Variants in RARB observed in about 807,000 individuals in gnomAD.
RARB encodes HBV-activated protein.
A neutral mutation model predicts 51.9 loss-of-function variants in RARB; 17 were observed. The ratio of observed to expected loss-of-function variants is 0.33; its 90% CI spans 0.22 to 0.49. The LOEUF is 0.49. RARB is among the 20% of genes least tolerant of loss of function. The pLI, the probability that RARB is intolerant of heterozygous loss-of-function variation, is 0.99. For synonymous variants in RARB, 215 were observed against 195.4 expected, an observed-to-expected ratio of 1.10 and a Z score of -0.84; for missense variants, 369 against 550.8, an observed-to-expected ratio of 0.67 and a Z score of 3.30.
At chr3:25,272,707 C>A (rs1297276614) in intron 5 of RARB, among the ~76,000 whole-genome samples, 1 of 152,196 alleles carries the variant, frequency 6.6e-6, no homozygotes, top group Admixed American at 6.5e-5. Context: ...CTGTTCTCAA[C>A]GCCTTAAGTA....
chr3:25,080,019 C>A (rs77805204), intron 3 of RARB, among the ~76,000 whole-genome samples: 2,585 of 152,256 alleles, frequency 0.017, 36 homozygotes, highest in Non-Finnish European at 0.025. Flanking sequence ...CAATGTTGTA[C>A]AACCATCATC....
intron 3 of RARB, among the ~76,000 whole-genome samples, chr3:25,560,358 G>T (rs1700223518): frequency 1.3e-5 from 2 of 152,190 alleles, no homozygotes; most frequent in African/African-American, 4.8e-5. Flanking sequence ...CAACATGAAA[G>T]AGCTTCTCTA....
intron 3 of RARB, among the ~76,000 whole-genome samples, chr3:25,096,630 C>G (rs1699297441): frequency 6.6e-6 from 1 of 152,068 alleles, no homozygotes; most frequent in Non-Finnish European, 1.5e-5. Flanking sequence ...AAAATGCAAT[C>G]AAAACGCTGA....
chr3:24,918,671 T>TC (rs1189002118), intron 2 of RARB, among the ~76,000 whole-genome samples: 5 of 152,128 alleles, frequency 3.3e-5, no homozygotes, highest in African/African-American at 7.2e-5. Flanking sequence ...TTGCCTGAAG[T>TC]CAGGAGTTCA....
Position 25,461,227 on chromosome 3 carries a change from C to T in RARB, c.192C>T (p.Leu64=), listed in dbSNP as rs143232058. Residue 64 remains leucine (L), a synonymous_variant, in exon 2 of 8, where the codon CTC becomes CTT. Transcript: ENST00000330688. ...IETQSTSSEE[L]VPSPPSPLPP... ...CACAGAGCACCAGCTCTGAGGAACT[C>T]GTCCCAAGCCCCCCATCTCCACTTC... The T allele has an allele frequency of 8.1e-6, 13 of 1,613,822 alleles. No individual in the cohort carries two copies. The East Asian group carries it at 1.1e-4, about 14-fold the overall frequency.
intron 5 of RARB, among the ~76,000 whole-genome samples, chr3:25,241,133 C>T (rs73149268): frequency 0.043 from 6,475 of 152,154 alleles, 281 homozygotes; most frequent in African/African-American, 0.11. Context: ...TCATAATAGT[C>T]TCTGATGACC....
chr3:25,415,163 T>G (rs2125503008), intron 5 of RARB, among the ~76,000 whole-genome samples: 1 of 152,362 alleles, frequency 6.6e-6, no homozygotes, highest in African/African-American at 2.4e-5. Context: ...CATTTTATTC[T>G]TTTAGCAGAG....
intron 2 of RARB, among the ~76,000 whole-genome samples, chr3:24,957,884 A>G (rs1348533994): frequency 6.6e-6 from 1 of 152,234 alleles, no homozygotes; most frequent in Non-Finnish European, 1.5e-5. Context: ...TACGGTATTT[A>G]TACCACACAG....
At chr3:25,410,826 T>C (rs1360328700) in intron 5 of RARB, among the ~76,000 whole-genome samples, 1 of 152,210 alleles carries the variant, frequency 6.6e-6, no homozygotes, top group Non-Finnish European at 1.5e-5. Context: ...GCCTCTCCCC[T>C]CCTTCCCTCC....
intron 1 of RARB, among the ~76,000 whole-genome samples, chr3:25,460,428 T>TTTA (rs369452418): frequency 2.1e-5 from 3 of 145,582 alleles, no homozygotes; most frequent in Admixed American, 6.9e-5. Context: ...ATTTTAAAAT[T>TTTA]TTTATTTATT....
At chr3:25,289,862 T>C (rs1703744672) in intron 5 of RARB, among the ~76,000 whole-genome samples, 1 of 152,164 alleles carries the variant, frequency 6.6e-6, no homozygotes, top group African/African-American at 2.4e-5. Flanking sequence ...CAGTAAACAG[T>C]TCTTAACCGG....
At chr3:24,938,603 T>A (rs1695593261) in intron 2 of RARB, among the ~76,000 whole-genome samples, 1 of 152,196 alleles carries the variant, frequency 6.6e-6, no homozygotes, top group Admixed American at 6.5e-5. Flanking sequence ...TGGTAAATTT[T>A]AAATGGACAA....
intron 2 of RARB, among the ~76,000 whole-genome samples, chr3:24,949,486 G>A (rs540788325): frequency 8.8e-4 from 134 of 152,258 alleles, no homozygotes; most frequent in Non-Finnish European, 1.5e-3. Flanking sequence ...GCAATTTAAG[G>A]TTTGTAATGT....
intron 3 of RARB, among the ~76,000 whole-genome samples, chr3:25,555,049 A>C (rs1219663674): frequency 6.6e-6 from 1 of 152,214 alleles, no homozygotes; most frequent in Non-Finnish European, 1.5e-5. Flanking sequence ...CACATTGCGG[A>C]TTAAGTTTCA....
chr3:25,467,067 G>A (rs754322015), intron 2 of RARB, among the ~76,000 whole-genome samples: 2 of 152,182 alleles, frequency 1.3e-5, no homozygotes, highest in Non-Finnish European at 2.9e-5. Context: ...TGGCTTAGAA[G>A]CTTTAAGCCA....
At chr3:24,868,530 C>A (rs1172319982) in intron 2 of RARB, among the ~76,000 whole-genome samples, 1 of 152,084 alleles carries the variant, frequency 6.6e-6, no homozygotes, top group Non-Finnish European at 1.5e-5. Flanking sequence ...CTCCTCTTGG[C>A]CAGGGGCATC....
intron 5 of RARB, among the ~76,000 whole-genome samples, chr3:25,233,123 G>A (rs1444924878): frequency 4.0e-5 from 6 of 151,640 alleles, no homozygotes; most frequent in Admixed American, 6.6e-5. Flanking sequence ...CTACAGGCAC[G>A]TGCCACCATA....
intron 1 of RARB, among the ~76,000 whole-genome samples, chr3:25,447,433 A>G (rs1708997880): frequency 6.6e-6 from 1 of 152,120 alleles, no homozygotes; most frequent in African/African-American, 2.4e-5. Context: ...CGTGGGCAGG[A>G]GATAGTGTAT....
intron 2 of RARB, among the ~76,000 whole-genome samples, chr3:24,976,456 G>A (rs13099127): frequency 0.2 from 30,282 of 152,054 alleles, 3,596 homozygotes; most frequent in East Asian, 0.3. Flanking sequence ...TTTAATGATT[G>A]CCATTCTAAC....
Sources: gnomAD v4.1 joint callset for allele counts (sites outside exome capture counted in the v4.1 genomes callset) on GRCh38, gnomAD v4.1.1 for gene constraint, MANE v1.5 for transcripts, NCBI Gene and HGNC (gene_info 2026-07-23, HGNC 2026-07-21) for gene names.